The following LRRC37A2 variants were observed in gnomAD, a reference collection of about 807,000 sequenced individuals.
The protein encoded by LRRC37A2 is leucine-rich repeat-containing protein 37A2.
A neutral mutation model predicts 68.8 loss-of-function variants in LRRC37A2; 9 were observed. The observed-to-expected ratio is 0.13, with a 90% CI of 0.08 to 0.23. The LOEUF (loss-of-function observed/expected upper bound fraction) is 0.23. LRRC37A2 is among the 10% of genes least tolerant of loss of function. The pLI, the probability that LRRC37A2 is intolerant of heterozygous loss-of-function variation, is 1.00. For missense variants in LRRC37A2, 168 were observed against 950.4 expected (o/e 0.18, Z 10.82); for synonymous variants, 63 against 367.6 (o/e 0.17, Z 9.48).
At chr17:46,832,557 CAT>C in the LRRC37A2 span, among the ~76,000 whole-genome samples, 2 of 151,788 alleles carry the variant, frequency 1.3e-5, no homozygotes, top group Non-Finnish European at 2.9e-5. Flanking sequence ...TAAAGGGGGA[CAT>C]GTGTTGCTGG....
the LRRC37A2 span, among the ~76,000 whole-genome samples, chr17:47,001,862 C>CA: frequency 6.7e-4 from 102 of 152,018 alleles, no homozygotes; most frequent in Middle Eastern, 3.4e-3. Flanking sequence ...GCTGGGACTA[C>CA]AGGCACCTGC....
intron 2 of LRRC37A2, among the ~76,000 whole-genome samples, chr17:46,516,153 A>G (rs1158201676): frequency 6.7e-6 from 1 of 149,914 alleles, no homozygotes; most frequent in Non-Finnish European, 1.5e-5. Context: ...ACAGAAAAAA[A>G]TTAGCCAGGC....
At chr17:46,673,911 GTGTGT>G in the LRRC37A2 span, among the ~76,000 whole-genome samples, 4 of 5,482 alleles carry the variant, frequency 7.3e-4, 2 homozygotes, top group Non-Finnish European at 2.5e-3. Flanking sequence ...TTCCATGGGG[GTGTGT>G]GTGTGTGTGT....
chr17:46,978,446 C>A, the LRRC37A2 span: 1 of 568,082 alleles, frequency 1.8e-6, no homozygotes, highest in South Asian at 2.4e-5. Flanking sequence ...CGCAACGCTG[C>A]AGCGCACACA....
chr17:46,870,080 T>C, the LRRC37A2 span, among the ~76,000 whole-genome samples: 2,224 of 152,306 alleles, frequency 0.015, 62 homozygotes, highest in African/African-American at 0.051. Context: ...CTATTATTCT[T>C]AAAATGGCAT....
At chr17:46,755,547 CCT>C in the LRRC37A2 span, 1 of 692,916 alleles carries the variant, frequency 1.4e-6, no homozygotes, top group Non-Finnish European at 2.4e-6. Flanking sequence ...GTTTGCTCTC[CCT>C]GTCCTGCTTC....
At chr17:46,730,940 T>C in the LRRC37A2 span, among the ~76,000 whole-genome samples, 3 of 149,868 alleles carry the variant, frequency 2.0e-5, no homozygotes, top group Non-Finnish European at 3.0e-5. Context: ...TGTGGAGAAA[T>C]TGGAACCTGT....
the LRRC37A2 span, among the ~76,000 whole-genome samples, chr17:46,826,769 C>T: frequency 6.8e-6 from 1 of 146,608 alleles, no homozygotes; most frequent in Non-Finnish European, 1.5e-5. Context: ...CCCTCTGTGG[C>T]AATCAGCTGC....
chr17:46,924,192 AC>A, the LRRC37A2 span: 29 of 234,140 alleles, frequency 1.2e-4, no homozygotes, highest in African/African-American at 2.2e-4. Context: ...TATTCTAGAT[AC>A]TTAATATAAG....
the LRRC37A2 span, among the ~76,000 whole-genome samples, chr17:46,950,383 G>A: frequency 6.6e-6 from 1 of 152,190 alleles, no homozygotes; most frequent in Non-Finnish European, 1.5e-5. Context: ...GAGAAGGGGA[G>A]GGAAAAGAAG....
chr17:46,503,029 G>A, the LRRC37A2 span, among the ~76,000 whole-genome samples: 2 of 150,766 alleles, frequency 1.3e-5, no homozygotes, highest in South Asian at 2.1e-4. Context: ...TGGCTAACAC[G>A]GTGAAACCCC....
chr17:46,724,401 T>C, the LRRC37A2 span, among the ~76,000 whole-genome samples: 2 of 152,146 alleles, frequency 1.3e-5, no homozygotes, highest in African/African-American at 4.8e-5. Flanking sequence ...CTCAAGCTAA[T>C]AGATAATAGA....
chr17:46,752,368 A>C, the LRRC37A2 span, among the ~76,000 whole-genome samples: 1 of 152,200 alleles, frequency 6.6e-6, no homozygotes. Flanking sequence ...ATCAAGCCCT[A>C]TGAGTTCAGA....
the LRRC37A2 span, chr17:47,021,940 A>G: frequency 6.6e-7 from 1 of 1,505,976 alleles, no homozygotes. Context: ...ATTCTCTCCA[A>G]ATATGACAAA....
the LRRC37A2 span, among the ~76,000 whole-genome samples, chr17:46,872,177 A>G: frequency 6.6e-6 from 1 of 152,154 alleles, no homozygotes; most frequent in Admixed American, 6.5e-5. Flanking sequence ...CCCAATTCCA[A>G]ACCAATAGAC....
chr17:46,887,082 G>T, the LRRC37A2 span, among the ~76,000 whole-genome samples: 50 of 152,288 alleles, frequency 3.3e-4, no homozygotes, highest in Admixed American at 7.2e-4. Context: ...CTCCCAAAGT[G>T]CTGGGATTAC....
chr17:46,911,710 C>T, the LRRC37A2 span, among the ~76,000 whole-genome samples: 27 of 152,176 alleles, frequency 1.8e-4, no homozygotes, highest in Non-Finnish European at 2.9e-5. Flanking sequence ...TGGTAAAACC[C>T]CGTCTCAACT....
chr17:46,996,312 T>A, the LRRC37A2 span, among the ~76,000 whole-genome samples: 2 of 152,234 alleles, frequency 1.3e-5, no homozygotes, highest in Admixed American at 1.3e-4. Context: ...TCAGGTCGAA[T>A]GGTGGGCCTA....
chr17:46,534,132 G>A (rs1378735963), intron 6 of LRRC37A2, among the ~76,000 whole-genome samples: 1 of 146,078 alleles, frequency 6.8e-6, no homozygotes, highest in Admixed American at 6.7e-5. Flanking sequence ...TGTCACCTCA[G>A]CCTCCTGGGT....
Sources: allele counts gnomAD v4.1 joint callset (sites outside exome capture counted in the v4.1 genomes callset), GRCh38; gene constraint gnomAD v4.1.1; transcripts MANE v1.5; gene names NCBI Gene and HGNC (gene_info 2026-07-23, HGNC 2026-07-21).